MX2: variants seen among roughly 807,000 people sequenced by gnomAD.
MX2 encodes MX dynamin like GTPase 2, also known as interferon-induced GTP-binding protein Mx2.
In MX2, 51 loss-of-function variants were observed where a neutral mutation model predicts 74.0. The observed-to-expected ratio is 0.69, with a 90% CI of 0.55 to 0.87. The LOEUF (loss-of-function observed/expected upper bound fraction) is 0.87, where lower values mean the gene tolerates loss of function less well. Among genes scored for constraint, MX2 ranks in the 40% least tolerant of loss-of-function variants. MX2 has a pLI of 0.00. For synonymous variants in MX2, 369 were observed against 339.3 expected (o/e 1.09, Z -0.96); for missense variants, 832 against 908.7 (o/e 0.92, Z 1.09).
intron 5 of MX2, 86 bp from the exon 6 acceptor site, chr21:41,390,479 G>A (rs1008048976): frequency 2.4e-5 from 38 of 1,568,524 alleles, no homozygotes; most frequent in East Asian, 6.8e-5. Context: ...TTGCCTTTGC[G>A]CCATCATGCC....
At chr21:41,384,294 T>C (rs1258103277) in intron 5 of MX2, among the ~76,000 whole-genome samples, 2 of 152,190 alleles carry the variant, frequency 1.3e-5, no homozygotes, top group African/African-American at 4.8e-5. Flanking sequence ...AACGGACTAA[T>C]ACAGGTGGGA....
At chr21:41,404,873 C>CAAAAAAAAAA (rs547207365) in intron 12 of MX2, 3 of 69,086 alleles carry the variant, frequency 4.3e-5, no homozygotes, top group Non-Finnish European at 6.9e-5. Context: ...CACATATACT[C>CAAAAAAAAAA]AAAAAAAAAA....
Position 41,390,601 on chromosome 21 carries a change from C to A in MX2, c.769C>A (p.Gln257Lys), listed in dbSNP as rs138600033. The change falls in exon 6 of 14, where the codon CAG becomes AAG. Residue 257 changes from glutamine to lysine, a missense_variant. Physicochemically the swap from Gln to Lys is moderately conservative, Grantham distance 53 (BLOSUM62 1). Transcript: ENST00000330714. Reference protein sequence around the residue: ...ALIKKYIQRQQTINLVVVPCN... With the variant: ...ALIKKYIQRQKTINLVVVPCN... Reference sequence around the variant, plus strand: ...CATCAAGAAGTACATCCAGAGGCAGCAGACGATCAACTTGGTGGTGGTTCC... The same window carrying A: ...CATCAAGAAGTACATCCAGAGGCAGAAGACGATCAACTTGGTGGTGGTTCC... 1,532 of 1,614,168 alleles carry A rather than the reference C, an allele frequency of 9.5e-4. 8 individuals are homozygous for A. Among genetic ancestry groups the A allele is most frequent in the Non-Finnish European group, 9.5e-4 (1,123 of 1,180,024 alleles).
chr21:41,394,864 C>T (rs1040898277), intron 6 of MX2, among the ~76,000 whole-genome samples: 1 of 151,596 alleles, frequency 6.6e-6, no homozygotes, highest in Admixed American at 6.6e-5. Flanking sequence ...TCGCTTGAAC[C>T]GGGGAGGCGG....
intron 10 of MX2, among the ~76,000 whole-genome samples, chr21:41,400,109 A>G (rs1351923474): frequency 6.6e-6 from 1 of 152,204 alleles, no homozygotes; most frequent in Non-Finnish European, 1.5e-5. Flanking sequence ...CGGAGCCTTC[A>G]TTAGTAGCAG....
intron 4 of MX2, among the ~76,000 whole-genome samples, chr21:41,381,083 A>C (rs2089484141): frequency 6.6e-6 from 1 of 152,222 alleles, no homozygotes. Flanking sequence ...CCTGGATCAA[A>C]TGGCTTTCTG....
At chr21:41,365,105 T>G (rs2089252810) in intron 1 of MX2, 1 of 152,270 alleles carries the variant, frequency 6.6e-6, no homozygotes, top group Non-Finnish European at 1.5e-5. Context: ...TGACCTTAGT[T>G]GGAAATAGGG....
intron 3 of MX2, among the ~76,000 whole-genome samples, chr21:41,379,293 A>G (rs1041934357): frequency 8.5e-5 from 13 of 152,168 alleles, no homozygotes; most frequent in Admixed American, 2.0e-4. Flanking sequence ...AGACGGGACA[A>G]TACCTCCCTA....
chr21:41,407,856 G>A (rs1726788460), intron 13 of MX2, 135 bp from the exon 14 acceptor site: 2 of 1,087,946 alleles, frequency 1.8e-6, no homozygotes, highest in South Asian at 3.0e-5. Context: ...CTGACCACCG[G>A]AGTGGAGGTG....
chr21:41,394,519 A>G (rs1330520005), intron 6 of MX2, among the ~76,000 whole-genome samples: 1 of 152,228 alleles, frequency 6.6e-6, no homozygotes, highest in Non-Finnish European at 1.5e-5. Flanking sequence ...AATTCTCTGC[A>G]TAGCCCTTAT....
chr21:41,403,225 T>C (rs781177529), intron 11 of MX2, 42 bp from the exon 12 acceptor site: 3 of 1,464,474 alleles, frequency 2.0e-6, no homozygotes, highest in Non-Finnish European at 2.9e-6. Context: ...TGCATTTTAC[T>C]GATGTTTTCT....
intron 1 of MX2, among the ~76,000 whole-genome samples, chr21:41,369,831 C>T (rs1008537964): frequency 6.6e-6 from 1 of 150,842 alleles, no homozygotes; most frequent in African/African-American, 2.4e-5. Flanking sequence ...GCACCCCTGC[C>T]CCCCGCCCCC....
chr21:41,385,496 G>A (rs926376741), intron 5 of MX2, among the ~76,000 whole-genome samples: 1 of 152,224 alleles, frequency 6.6e-6, no homozygotes, highest in African/African-American at 2.4e-5. Context: ...CTGCTGCTAT[G>A]TAAGATGTGC....
intron 5 of MX2, among the ~76,000 whole-genome samples, chr21:41,383,385 A>T (rs1214534435): frequency 2.0e-5 from 3 of 152,150 alleles, no homozygotes; most frequent in Non-Finnish European, 4.4e-5. Flanking sequence ...AATAAACCTG[A>T]GGTTGCCTGA....
At chr21:41,401,747 T>C (rs569863336) in intron 10 of MX2, 5 of 461,898 alleles carry the variant, frequency 1.1e-5, no homozygotes, top group Middle Eastern at 5.8e-4. Context: ...TGACTTTCAA[T>C]TGAAACACAT....
chr21:41,372,682 A>G (rs1166303062), intron 1 of MX2, among the ~76,000 whole-genome samples: 3 of 152,224 alleles, frequency 2.0e-5, no homozygotes, highest in Non-Finnish European at 4.4e-5. Flanking sequence ...GATGTGAACA[A>G]TCACAGATAT....
At chr21:41,383,650 C>T (rs972516663) in intron 5 of MX2, among the ~76,000 whole-genome samples, 6 of 152,198 alleles carry the variant, frequency 3.9e-5, no homozygotes, top group Admixed American at 2.0e-4. Flanking sequence ...GACAACCCAA[C>T]CACAACCAAA....
chr21:41,402,179 A>G lies in MX2; in HGVS notation c.1573+51A>G. The G allele has an allele frequency of 1.3e-6, 2 of 1,569,706 alleles. No individual in the cohort carries two copies. Among genetic ancestry groups the G allele is most frequent in the Non-Finnish European group, 1.7e-6 (2 of 1,156,906 alleles). ...AAACCATCACTCTCATACCTTCCAT[A>G]GACCCCAGTGCCTTGGAGGGAGAGA... On this transcript the variant is annotated intron_variant, in intron 11 of 13. Coordinates refer to ENST00000330714, the MANE Select transcript of MX2 (RefSeq NM_002463.2). The surrounding 1 kb of genome is among the most constrained non-coding windows in gnomAD (Gnocchi z 4.5).
intron 1 of MX2, chr21:41,370,362 T>C (rs1188617224): frequency 6.6e-6 from 1 of 152,204 alleles, no homozygotes; most frequent in Non-Finnish European, 1.5e-5. Context: ...ACGATGACGG[T>C]CCTCGGGCCA....
Sources: allele counts gnomAD v4.1 joint callset (sites outside exome capture counted in the v4.1 genomes callset), GRCh38; gene constraint gnomAD v4.1.1; non-coding constraint Gnocchi (gnomAD v3.1); transcripts MANE v1.5; gene names NCBI Gene and HGNC (gene_info 2026-07-23, HGNC 2026-07-21).